The following CFAP77 variants were observed in gnomAD, a reference collection of about 807,000 sequenced individuals.
The protein encoded by CFAP77 is cilia- and flagella-associated protein 77.
A neutral mutation model predicts 31.1 loss-of-function variants in CFAP77; 25 were observed. That is an observed-to-expected ratio of 0.80 (90% CI 0.59 to 1.12). The LOEUF is 1.12. CFAP77 is among the 50% of genes most tolerant of loss of function. The pLI is 0.00. For synonymous variants in CFAP77, 151 were observed against 159.9 expected, an observed-to-expected ratio of 0.94 and a Z score of 0.42; for missense variants, 377 against 397.3, an observed-to-expected ratio of 0.95 and a Z score of 0.44.
chr9:132,441,693 C>T (rs186496218), intron 1 of CFAP77, among the ~76,000 whole-genome samples: 27 of 152,282 alleles, frequency 1.8e-4, no homozygotes, highest in African/African-American at 6.3e-4. Flanking sequence ...TGCCTCGGTG[C>T]GCGGAGGCAG....
At chr9:132,431,020 A>T (rs1850401937) in intron 1 of CFAP77, among the ~76,000 whole-genome samples, 1 of 152,244 alleles carries the variant, frequency 6.6e-6, no homozygotes, top group Non-Finnish European at 1.5e-5. Context: ...GTGGTTGAAG[A>T]ACCAGAAGAC....
intron 1 of CFAP77, among the ~76,000 whole-genome samples, chr9:132,478,233 C>A (rs1205747990): frequency 1.3e-5 from 2 of 152,092 alleles, no homozygotes. Flanking sequence ...TAAACCATAA[C>A]CGTGAGTACA....
Position 132,442,807 on chromosome 9 carries a change from G to A in CFAP77, c.195+32341G>A, listed in dbSNP as rs188186077. 3.3e-5 allele frequency among the ~76,000 whole-genome samples: 5 copies of A among 152,238 alleles called. No homozygotes were observed. The East Asian group carries it at 7.7e-4, about 24-fold the overall frequency. On this transcript the variant is annotated intron_variant, in intron 1 of 5. Transcript: ENST00000393216. ...TCCTCCCACTTCGGCCTCCCAAAGTGCTGGGATTACAGGTGTGAGCCACCA... is the reference window on the plus strand; with the variant it reads ...TCCTCCCACTTCGGCCTCCCAAAGTACTGGGATTACAGGTGTGAGCCACCA...
In CFAP77 at chr9:132,537,593, C is replaced by T. The variant is rs1166722433; in HGVS notation, c.525-8C>T. The stretch of plus-strand genomic sequence containing the variant: ...GCCTCAAGCTCTGTCTGGACTTCTT[C>T]CCTCCAGGCCTTCCACACCCTTCTT... On this transcript the variant is annotated splice_polypyrimidine_tract_variant and splice_region_variant and intron_variant, in intron 3 of 5. Transcript: ENST00000393216. 6.2e-7 allele frequency: 1 copy of T among 1,605,104 alleles called. No homozygotes were observed. Among genetic ancestry groups the T allele is most frequent in the East Asian group, 2.2e-5 (1 of 44,660 alleles).
At position 132,482,479 on chromosome 9, in the gene CFAP77, T is replaced by A; in HGVS notation, c.196-16216T>A. 5 of 1,343,882 alleles carry A rather than the reference T, an allele frequency of 3.7e-6. No homozygotes were observed. The South Asian group carries it at 5.9e-5, about 16-fold the overall frequency. 83.2% of individuals were successfully genotyped at this position (1,343,882 alleles called of 1,614,324 possible). A position where few individuals can be genotyped will look rare whatever the true frequency, so the allele number is the denominator to read the frequency against. On this transcript the variant is annotated intron_variant, in intron 1 of 5. Coordinates refer to ENST00000393216, the MANE Select transcript of CFAP77 (RefSeq NM_001282957.2). ...AGAAAAAGGGGAAAAGAGGGGCCCC[T>A]CCCGGCTTCCGCACACCTACTGCGT...
At chr9:132,541,295 G>A (rs929602224) in intron 4 of CFAP77, among the ~76,000 whole-genome samples, 12 of 152,348 alleles carry the variant, frequency 7.9e-5, no homozygotes, top group African/African-American at 1.2e-4. Flanking sequence ...CTCAGTGGGC[G>A]TTGGCACCCT....
chr9:132,456,993 C>T (rs1850928383), intron 1 of CFAP77, among the ~76,000 whole-genome samples: 1 of 152,048 alleles, frequency 6.6e-6, no homozygotes. Context: ...GATCCACCTG[C>T]CTCAGCCTCC....
At chr9:132,456,924 TAG>T (rs1850926837) in intron 1 of CFAP77, among the ~76,000 whole-genome samples, 1 of 151,920 alleles carries the variant, frequency 6.6e-6, no homozygotes, top group Non-Finnish European at 1.5e-5. Context: ...CTAATGTATG[TAG>T]AGATGGGGTC....
chr9:132,422,201 G>T (rs555751319), intron 1 of CFAP77, among the ~76,000 whole-genome samples: 2 of 152,186 alleles, frequency 1.3e-5, no homozygotes, highest in Non-Finnish European at 1.5e-5. Flanking sequence ...TAGATAGGGG[G>T]TTTCACCATG....
chr9:132,504,600 T>A (rs1230993683), intron 3 of CFAP77, among the ~76,000 whole-genome samples: 1 of 152,256 alleles, frequency 6.6e-6, no homozygotes, highest in African/African-American at 2.4e-5. Context: ...TAAAGCTTTA[T>A]CTTTATCAAC....
chr9:132,439,472 T>C (rs1850576468), intron 1 of CFAP77, among the ~76,000 whole-genome samples: 1 of 152,154 alleles, frequency 6.6e-6, no homozygotes, highest in Non-Finnish European at 1.5e-5. Context: ...GATCCAGCTC[T>C]CTGTGGTCTG....
At chr9:132,560,938 C>T (rs1229833545) in intron 5 of CFAP77, among the ~76,000 whole-genome samples, 3 of 152,152 alleles carry the variant, frequency 2.0e-5, no homozygotes, top group Admixed American at 6.5e-5. Flanking sequence ...CAGGGAGGGT[C>T]GGGTCCTGTG....
At chr9:132,519,591 G>A (rs1164640617) in intron 3 of CFAP77, among the ~76,000 whole-genome samples, 3 of 85,932 alleles carry the variant, frequency 3.5e-5, no homozygotes, top group Non-Finnish European at 5.1e-5. Context: ...TGGATGGATG[G>A]ATGGATGGAT....
chr9:132,420,427 C>T (rs1433610541), intron 1 of CFAP77, among the ~76,000 whole-genome samples: 4 of 148,458 alleles, frequency 2.7e-5, no homozygotes, highest in East Asian at 2.0e-4. Context: ...CCGAGGTGGG[C>T]GGATCACTTG....
chr9:132,486,090 A>ATTTTTTTTTTTTTTT lies in CFAP77; in HGVS notation c.196-12599_196-12585dup, dbSNP rs1178281920. ...TGTATATATATATATATATATATAT[A>ATTTTTTTTTTTTTTT]TTTTTTTTTTTTTTTTTTTTGAGAC... is the stretch of plus-strand genomic sequence containing the variant. On this transcript the variant is annotated intron_variant, in intron 1 of 5. Transcript: ENST00000393216. Among the ~76,000 whole-genome samples the ATTTTTTTTTTTTTTT allele has an allele frequency of 2.6e-4, 4 of 15,362 alleles. 2 individuals are homozygous for ATTTTTTTTTTTTTTT. Among genetic ancestry groups the ATTTTTTTTTTTTTTT allele is most frequent in the East Asian group, 7.9e-3 (2 of 252 alleles). 10.1% of individuals were successfully genotyped at this position (15,362 alleles called of 152,430 possible). A position where few individuals can be genotyped will look rare whatever the true frequency, so the allele number is the denominator to read the frequency against.
At chr9:132,452,978 G>A (rs747026896) in intron 1 of CFAP77, among the ~76,000 whole-genome samples, 5 of 152,182 alleles carry the variant, frequency 3.3e-5, no homozygotes, top group Non-Finnish European at 5.9e-5. Flanking sequence ...AATAAATTCT[G>A]CCATTGTATT....
At chr9:132,415,454 C>T (rs572304183) in intron 1 of CFAP77, among the ~76,000 whole-genome samples, 2 of 152,196 alleles carry the variant, frequency 1.3e-5, no homozygotes, top group South Asian at 2.1e-4. Context: ...ACTGCCCTGC[C>T]GGAGGAGCCT....
intron 5 of CFAP77, among the ~76,000 whole-genome samples, chr9:132,551,154 A>T (rs1281497771): frequency 6.6e-6 from 1 of 152,126 alleles, no homozygotes; most frequent in Admixed American, 6.5e-5. Flanking sequence ...GGGCAGTTTG[A>T]CCAAAGTCCA....
At chr9:132,470,377 T>C (rs148019335) in intron 1 of CFAP77, among the ~76,000 whole-genome samples, 5 of 152,096 alleles carry the variant, frequency 3.3e-5, no homozygotes, top group African/African-American at 1.2e-4. Flanking sequence ...AGCTGGTAAG[T>C]GATGGAGGCA....
Sources: gnomAD v4.1 joint callset for allele counts (sites outside exome capture counted in the v4.1 genomes callset) on GRCh38, gnomAD v4.1.1 for gene constraint, MANE v1.5 for transcripts, NCBI Gene and HGNC (gene_info 2026-07-23, HGNC 2026-07-21) for gene names.